Variants in GPR137B observed in about 807,000 individuals in gnomAD.
The protein encoded by GPR137B is G protein-coupled receptor 137B.
Under a neutral mutation model 42.5 loss-of-function variants are expected in GPR137B, and 42 were observed. The ratio of observed to expected loss-of-function variants is 0.99; its 90% CI spans 0.77 to 1.28. GPR137B has a LOEUF of 1.28. Ranked by LOEUF, GPR137B falls within the 50% of genes most tolerant of loss-of-function variation. GPR137B has a pLI of 0.00. For missense variants in GPR137B, 487 were observed against 493.9 expected (o/e 0.99, Z 0.13); for synonymous variants, 218 against 209.7 (o/e 1.04, Z -0.34).
At position 236,142,895 on chromosome 1, in the gene GPR137B, G is replaced by A. The variant is rs745571083; in HGVS notation, c.273G>A (p.Leu91=). 3.0e-5 allele frequency: 49 copies of A among 1,614,120 alleles called. 1 individual carries two copies. The South Asian group carries it at 4.8e-4, about 16-fold the overall frequency. Residue 91 remains leucine, a synonymous_variant, in exon 1 of 7, where the codon CTG becomes CTA. Coordinates refer to ENST00000366592, the MANE Select transcript of GPR137B (RefSeq NM_003272.4). ...TTCTCTGCCTCTTCTGGGCCTCCCT[G>A]CGGACCGTCCTCTTCTCCTTCTACT... ...FLFLCLFWAS[L]RTVLFSFYFK... is the part of the protein sequence containing the mutation.
intron 5 of GPR137B, among the ~76,000 whole-genome samples, chr1:236,190,148 C>CTTCTTTTTTTT (rs61093509): frequency 6.7e-5 from 8 of 119,400 alleles, no homozygotes; most frequent in East Asian, 2.3e-4. Context: ...CCTGCTTCTT[C>CTTCTTTTTTTT]TTTTTTTTTT....
chr1:236,161,446 C>A (rs543230539), intron 1 of GPR137B, among the ~76,000 whole-genome samples: 1 of 152,064 alleles, frequency 6.6e-6, no homozygotes. Flanking sequence ...ACTTTTCACA[C>A]CTCCACACAT....
At chr1:236,169,122 T>G (rs964200475) in intron 2 of GPR137B, among the ~76,000 whole-genome samples, 1 of 152,202 alleles carries the variant, frequency 6.6e-6, no homozygotes, top group African/African-American at 2.4e-5. Context: ...GAAGATGCAG[T>G]GCTTTGCCAG....
At position 236,179,943 on chromosome 1, in the gene GPR137B, C is replaced by A; in HGVS notation, c.752C>A (p.Ala251Asp). 1 of 1,611,632 alleles carries A rather than the reference C, an allele frequency of 6.2e-7. No homozygotes were observed. Among genetic ancestry groups the A allele is most frequent in the Non-Finnish European group, 8.5e-7 (1 of 1,178,092 alleles). ...VTVILLYTSR[A>D]CYNLFILSFS... Reference sequence around the variant, plus strand: ...GTGATACTGCTTTACACCTCTCGGGCCTGCTACAACCTGTTCATCCTGTCA... The same window carrying A: ...GTGATACTGCTTTACACCTCTCGGGACTGCTACAACCTGTTCATCCTGTCA... The change falls in exon 4 of 7, where the codon GCC (alanine) becomes GAC (aspartate). Residue 251 changes from alanine to aspartate, a missense_variant. By Grantham distance (126) the Ala-to-Asp change is moderately radical. Coordinates refer to ENST00000366592, the MANE Select transcript of GPR137B (RefSeq NM_003272.4).
chr1:236,197,162 T>G (rs1044099311), intron 5 of GPR137B, among the ~76,000 whole-genome samples: 1 of 152,248 alleles, frequency 6.6e-6, no homozygotes, highest in African/African-American at 2.4e-5. Flanking sequence ...TTTTCATGTT[T>G]GTTGGCCATA....
Position 236,142,737 on chromosome 1 carries a change from C to G in GPR137B, c.115C>G (p.Pro39Ala), listed in dbSNP as rs192593903. The G allele has an allele frequency of 6.2e-7, 1 of 1,608,012 alleles. No homozygotes were observed. Among genetic ancestry groups the G allele is most frequent in the Non-Finnish European group, 8.5e-7 (1 of 1,178,322 alleles). The change falls in exon 1 of 7, where the codon CCC becomes GCC. Residue 39 changes from proline (P) to alanine (A), a missense_variant. Coordinates refer to ENST00000366592, the MANE Select transcript of GPR137B (RefSeq NM_003272.4). ...LPPTLTPAVP[P>A]YVKLGLTVVY... ...GCCCACGCTGACCCCGGCCGTGCCC[C>G]CCTACGTGAAGCTTGGCCTCACCGT...
At chr1:236,151,279 G>A (rs1408371132) in intron 1 of GPR137B, among the ~76,000 whole-genome samples, 1 of 152,120 alleles carries the variant, frequency 6.6e-6, no homozygotes, top group African/African-American at 2.4e-5. Flanking sequence ...GTTTCCTGCA[G>A]CTGAAGCTTA....
In GPR137B at chr1:236,155,361, G is replaced by A. The variant is rs956625101; in HGVS notation, c.414+12325G>A. On this transcript the variant is annotated intron_variant, in intron 1 of 6. Coordinates refer to ENST00000366592, the MANE Select transcript of GPR137B (RefSeq NM_003272.4). The surrounding 1 kb of genome is among the most constrained non-coding windows in gnomAD (Gnocchi z 4.6). ...ATAGACACTGAGGCCTAGAAAGGTC[G>A]ATGGAGCTAACCAGGAACCAACAAA... 6.6e-6 allele frequency among the ~76,000 whole-genome samples: 1 copy of A among 152,216 alleles called. No individual in the cohort carries two copies. Among genetic ancestry groups the A allele is most frequent in the Non-Finnish European group, 1.5e-5 (1 of 68,048 alleles).
chr1:236,165,663 C>G (rs35678371), intron 1 of GPR137B, among the ~76,000 whole-genome samples: 1 of 152,138 alleles, frequency 6.6e-6, no homozygotes, highest in Non-Finnish European at 1.5e-5. Context: ...ACTCTATTCC[C>G]GGGAACACTC....
chr1:236,143,525 A>G (rs7543562), intron 1 of GPR137B, among the ~76,000 whole-genome samples: 95,956 of 152,130 alleles, frequency 0.63, 30,292 homozygotes, highest in Admixed American at 0.69. Context: ...GGGTGAGACC[A>G]TGTTGGTTTT....
intron 1 of GPR137B, among the ~76,000 whole-genome samples, chr1:236,147,546 C>T (rs1204219793): frequency 6.6e-6 from 1 of 152,228 alleles, no homozygotes; most frequent in African/African-American, 2.4e-5. Context: ...GCCTAACTAG[C>T]GTCTTCAGGA....
At position 236,142,596 on chromosome 1, in the gene GPR137B, CG is replaced by C; in HGVS notation, c.-22del. ...TGAGCGCGATGCGCGGAGACCCCCG[CG>C]GGGGCGGCGGCGGCCGTGAGCCCCG... On this transcript the variant is annotated 5_prime_UTR_variant, in exon 1 of 7. Coordinates refer to ENST00000366592, the MANE Select transcript of GPR137B (RefSeq NM_003272.4). 1 of 1,284,766 alleles carries C rather than the reference CG, an allele frequency of 7.8e-7. No homozygotes were observed. The highest frequency in any genetic ancestry group is 9.8e-7 in the Non-Finnish European group (1 of 1,019,108). The allele number at this position is 1,284,766 out of a possible 1,614,324, so 79.6% of individuals were successfully genotyped here.
chr1:236,202,876 G>T (rs551374785), intron 5 of GPR137B, among the ~76,000 whole-genome samples: 70 of 152,168 alleles, frequency 4.6e-4, no homozygotes, highest in African/African-American at 1.5e-3. Context: ...CATTTTTTTT[G>T]ATTTTTGTAT....
At chr1:236,168,384 T>C (rs1206401463) in intron 1 of GPR137B, among the ~76,000 whole-genome samples, 1 of 150,384 alleles carries the variant, frequency 6.6e-6, no homozygotes, top group African/African-American at 2.5e-5. Flanking sequence ...GATGGCGCCA[T>C]TGCACTCCAG....
intron 5 of GPR137B, among the ~76,000 whole-genome samples, chr1:236,195,404 C>T (rs1425739406): frequency 5.9e-5 from 9 of 152,118 alleles, no homozygotes; most frequent in African/African-American, 2.2e-4. Flanking sequence ...ATAATCATCT[C>T]CAGTTCATCC....
intron 2 of GPR137B, among the ~76,000 whole-genome samples, chr1:236,176,006 A>G (rs889970135): frequency 6.6e-6 from 1 of 152,192 alleles, no homozygotes; most frequent in Admixed American, 6.5e-5. Context: ...ACATGAAAAC[A>G]TGAAGCAAAG....
chr1:236,161,497 A>ATG lies in GPR137B; in HGVS notation c.415-7209_415-7208insTG, dbSNP rs1457839197. The stretch of plus-strand genomic sequence containing the variant: ...CTCCACACACACTTCACACCTCCTC[A>ATG]CGCCTCCCACTCACACCTTCTCACG... On this transcript the variant is annotated intron_variant, in intron 1 of 6. Transcript: ENST00000366592. Among the ~76,000 whole-genome samples the ATG allele has an allele frequency of 8.4e-3, 1,278 of 151,602 alleles. 19 individuals are homozygous for ATG. The highest frequency in any genetic ancestry group is 0.029 in the African/African-American group (1,189 of 41,338).
intron 5 of GPR137B, among the ~76,000 whole-genome samples, chr1:236,191,389 G>T (rs973524198): frequency 2.0e-5 from 3 of 152,112 alleles, no homozygotes; most frequent in Non-Finnish European, 4.4e-5. Context: ...CCTTGCTGGC[G>T]AGGAGTTGTG....
At position 236,175,097 on chromosome 1, in the gene GPR137B, C is replaced by T. The variant is rs932623347; in HGVS notation, c.465-3317C>T. ...ATCCCAGCACTTTGGGAGGCCGAGA[C>T]GGGAGGATCACTTGAGGTCAGGAGT... On this transcript the variant is annotated intron_variant, in intron 2 of 6. Transcript: ENST00000366592. 7.2e-5 allele frequency among the ~76,000 whole-genome samples: 11 copies of T among 151,822 alleles called. No individual in the cohort carries two copies. In the South Asian group the frequency reaches 1.5e-3, roughly 20 times the overall value.
Sources: gnomAD v4.1 joint callset for allele counts (sites outside exome capture counted in the v4.1 genomes callset) on GRCh38, gnomAD v4.1.1 for gene constraint, Gnocchi (gnomAD v3.1) non-coding constraint, MANE v1.5 for transcripts, NCBI Gene and HGNC (gene_info 2026-07-23, HGNC 2026-07-21) for gene names.